The following KYAT3 variants were observed in gnomAD, a reference collection of about 807,000 sequenced individuals.
KYAT3 encodes the protein kynurenine--oxoglutarate transaminase 3.
Under a neutral mutation model 59.0 loss-of-function variants are expected in KYAT3, and 50 were observed. The observed-to-expected ratio is 0.85, with a 90% confidence interval of 0.68 to 1.07. The LOEUF is 1.07. KYAT3 is among the 50% of genes least tolerant of loss of function. The probability of loss-of-function intolerance (pLI) is 0.00; values close to 1 mark genes in which losing one functional copy is unlikely to be tolerated. For synonymous variants in KYAT3, 148 were observed against 177.0 expected (o/e 0.84, Z 1.30); for missense variants, 497 against 533.3 (o/e 0.93, Z 0.67).
intron 2 of KYAT3, among the ~76,000 whole-genome samples, chr1:88,973,174 G>C (rs1676625561): frequency 6.6e-6 from 1 of 152,202 alleles, no homozygotes; most frequent in Non-Finnish European, 1.5e-5. Context: ...GCAATCACCA[G>C]ATGATAGTGG....
chr1:88,954,000 C>CAGGT (rs1295840687), intron 9 of KYAT3, among the ~76,000 whole-genome samples: 3 of 151,634 alleles, frequency 2.0e-5, no homozygotes, highest in African/African-American at 7.3e-5. Context: ...CTCCCAGGTA[C>CAGGT]AGGTGATTCT....
rs181931487 is a variant in KYAT3, at chr1:88,943,874, G to A, written c.1142-451C>T. ...TAAAGTGTCTGTTTGGTAACCTATC[G>A]TATTCCCAACCCCTAGGTCAGTGTC... On this transcript the variant is annotated intron_variant, in intron 11 of 13. Transcript: ENST00000260508. Among the ~76,000 whole-genome samples, 194 of 152,238 alleles carry A rather than the reference G, an allele frequency of 1.3e-3. 1 individual carries two copies. Among genetic ancestry groups the A allele is most frequent in the Middle Eastern group, 6.8e-3 (2 of 294 alleles).
downstream of KYAT3, among the ~76,000 whole-genome samples, chr1:88,934,786 A>C (rs535458253): frequency 6.6e-6 from 1 of 152,316 alleles, no homozygotes; most frequent in African/African-American, 2.4e-5. Context: ...GGATTCTACA[A>C]ACTACAACAG....
chr1:88,949,493 GAGA>G (rs1327927078), intron 10 of KYAT3, among the ~76,000 whole-genome samples: 1 of 152,222 alleles, frequency 6.6e-6, no homozygotes, highest in African/African-American at 2.4e-5. Flanking sequence ...GTGAAGAACT[GAGA>G]AGGAGTCCTG....
downstream of KYAT3, among the ~76,000 whole-genome samples, chr1:88,934,327 A>G (rs926641428): frequency 6.6e-6 from 1 of 152,076 alleles, no homozygotes; most frequent in Admixed American, 6.6e-5. Flanking sequence ...GGTGGCGCAC[A>G]CTTGTAATCC....
At chr1:88,949,048 C>A in intron 11 of KYAT3, 43 bp downstream of exon 11, 3 of 1,401,206 alleles carry the variant, frequency 2.1e-6, no homozygotes, top group Non-Finnish European at 2.8e-6. Flanking sequence ...TAATTTCACA[C>A]ATAAGTTTCC....
At chr1:88,932,181 G>A (rs1307965925), downstream of KYAT3, among the ~76,000 whole-genome samples, 1 of 152,172 alleles carries the variant, frequency 6.6e-6, no homozygotes, top group Non-Finnish European at 1.5e-5. Flanking sequence ...TTCTTTGAAG[G>A]CACTGTGAAG....
intron 1 of KYAT3, among the ~76,000 whole-genome samples, chr1:88,991,576 T>C (rs1485597493): frequency 2.6e-5 from 4 of 152,108 alleles, no homozygotes; most frequent in Admixed American, 6.5e-5. Context: ...GGGAGTACAG[T>C]GGAAGGATGC....
At chr1:88,980,018 C>G (rs1348748497) in intron 2 of KYAT3, 2 of 152,180 alleles carry the variant, frequency 1.3e-5, no homozygotes, top group South Asian at 4.1e-4. Context: ...ACACTGCAAC[C>G]TGGTGAATTT....
chr1:88,946,657 C>T (rs554171865), intron 11 of KYAT3, among the ~76,000 whole-genome samples: 2 of 150,356 alleles, frequency 1.3e-5, no homozygotes, highest in African/African-American at 4.9e-5. Context: ...GTGATGACAA[C>T]TGTGCTAATT....
intron 13 of KYAT3, among the ~76,000 whole-genome samples, chr1:88,941,837 C>T (rs1390768057): frequency 6.6e-6 from 1 of 152,262 alleles, no homozygotes; most frequent in African/African-American, 2.4e-5. Context: ...AGCCACTACA[C>T]CTGACCTCTG....
At chr1:88,960,511 A>G (rs1251390131) in intron 8 of KYAT3, among the ~76,000 whole-genome samples, 1 of 152,206 alleles carries the variant, frequency 6.6e-6, no homozygotes, top group Non-Finnish European at 1.5e-5. Context: ...AGAGGTGTTA[A>G]CTATTTTCAA....
chr1:88,953,336 G>A (rs1675758284), intron 9 of KYAT3, among the ~76,000 whole-genome samples, 184 bp from the exon 10 acceptor site: 1 of 152,056 alleles, frequency 6.6e-6, no homozygotes, highest in Non-Finnish European at 1.5e-5. Context: ...CTTGAGGTTT[G>A]GAGTTGAAGA....
intron 4 of KYAT3, among the ~76,000 whole-genome samples, chr1:88,966,948 C>CT (rs530666177): frequency 2.0e-5 from 3 of 151,824 alleles, no homozygotes; most frequent in Non-Finnish European, 4.4e-5. Context: ...ATAAGATGAT[C>CT]TTTTTTTTCT....
chr1:88,988,393 G>C (rs1484190533), intron 1 of KYAT3, 42 bp from the exon 2 acceptor site: 1 of 1,167,586 alleles, frequency 8.6e-7, no homozygotes, highest in East Asian at 2.4e-5. Flanking sequence ...ATAAATATAT[G>C]ATGGGTACAT....
At chr1:88,985,357 A>G (rs1040312481) in intron 2 of KYAT3, among the ~76,000 whole-genome samples, 6 of 152,192 alleles carry the variant, frequency 3.9e-5, no homozygotes, top group African/African-American at 1.2e-4. Flanking sequence ...GGCTGAACCA[A>G]TCAAGACAAC....
intron 12 of KYAT3, 97 bp downstream of exon 12, chr1:88,943,253 A>G: frequency 1.0e-6 from 1 of 988,794 alleles, no homozygotes; most frequent in Non-Finnish European, 1.6e-6. Context: ...TCATATAACA[A>G]CATTACATTT....
rs1675749433 is a variant in KYAT3 at position 88,953,107 on chromosome 1, T to C, written c.910A>G (p.Thr304Ala). 1.2e-6 allele frequency: 2 copies of C among 1,613,558 alleles called. No homozygotes were observed. Among genetic ancestry groups the C allele is most frequent in the African/African-American group, 1.3e-5 (1 of 74,920 alleles). The part of the protein sequence containing the change: ...GPNHLIKHLQ[T>A]VQQNTIYTCA... ...GTATAAATCGTGTTTTGTTGAACTG[T>C]CTGTAAATGTTTTATCAAATGATTT... Residue 304 changes from threonine to alanine, a missense_variant, in exon 10 of 14, where the codon ACA becomes GCA. Transcript: ENST00000260508.
intron 5 of KYAT3, among the ~76,000 whole-genome samples, chr1:88,963,941 G>A (rs1676241953): frequency 6.6e-6 from 1 of 152,146 alleles, no homozygotes; most frequent in Non-Finnish European, 1.5e-5. Context: ...GGTGGCTCAC[G>A]CCTGTAATCC....
Sources: gnomAD v4.1 joint callset for allele counts (sites outside exome capture counted in the v4.1 genomes callset) on GRCh38, gnomAD v4.1.1 for gene constraint, MANE v1.5 for transcripts, NCBI Gene and HGNC (gene_info 2026-07-23, HGNC 2026-07-21) for gene names.